Variants in SYTL5 observed in about 807,000 individuals in gnomAD.
SYTL5 encodes the protein synaptotagmin-like protein 5.
Under a neutral mutation model 55.9 loss-of-function variants are expected in SYTL5, and 34 were observed. That is an observed-to-expected ratio of 0.61 (90% CI 0.46 to 0.81). The LOEUF (loss-of-function observed/expected upper bound fraction) is 0.81, where lower values mean the gene tolerates loss of function less well. Among genes scored for constraint, SYTL5 ranks in the 30% least tolerant of loss-of-function variants. The pLI, the probability that SYTL5 is intolerant of heterozygous loss-of-function variation, is 0.00. For missense variants in SYTL5, 637 were observed against 546.7 expected (o/e 1.17, Z -1.65); for synonymous variants, 221 against 188.7 (o/e 1.17, Z -1.40).
At chrX:38,032,738 T>C (rs1413980754) in intron 1 of SYTL5, among the ~76,000 whole-genome samples, 1 of 111,418 alleles carries the variant, frequency 9.0e-6, no homozygotes, top group Admixed American at 9.6e-5. Flanking sequence ...ACGTAATTTT[T>C]TTTTTAAGAG....
At chrX:38,037,733 C>A (rs1230823883) in intron 2 of SYTL5, among the ~76,000 whole-genome samples, 2 of 110,779 alleles carry the variant, frequency 1.8e-5, no homozygotes, top group East Asian at 5.6e-4. Flanking sequence ...GTTCAGGGTA[C>A]CTTAACTTTA....
the SYTL5 span, among the ~76,000 whole-genome samples, chrX:37,981,018 C>T: frequency 1.5e-3 from 171 of 112,192 alleles, 1 homozygote; most frequent in African/African-American, 5.4e-3. Context: ...ATCTCCATTC[C>T]CAGCTTGAGA....
chrX:38,125,354 A>G lies in SYTL5; in HGVS notation c.1898A>G (p.Lys633Arg), dbSNP rs780265036. Residue 633 changes from lysine to arginine, a missense_variant, in exon 16 of 17, where the codon AAG becomes AGG. Lys to Arg is a conservative substitution (Grantham distance 26). Coordinates refer to ENST00000297875, the MANE Select transcript of SYTL5 (RefSeq NM_138780.3). ...AAGCACAAAACTCTGGTAATAAAAA[A>G]GAGTGTTAACCCTCAGTGGAATCAT... ...ATKHKTLVIK[K>R]SVNPQWNHTF... is the part of the protein sequence containing the mutation. The G allele has an allele frequency of 8.3e-7, 1 of 1,211,950 alleles. No individual in the cohort carries two copies. The highest frequency in any genetic ancestry group is 2.2e-5 in the Admixed American group (1 of 46,091).
chrX:38,080,141 A>G (rs1429105319), intron 6 of SYTL5, among the ~76,000 whole-genome samples: 1 of 111,308 alleles, frequency 9.0e-6, no homozygotes, highest in East Asian at 2.8e-4. Context: ...GTGGCAGGTG[A>G]CATCCATTAG....
At chrX:37,991,405 CG>C in the SYTL5 span, 1 of 627,244 alleles carries the variant, frequency 1.6e-6, no homozygotes, top group Non-Finnish European at 2.3e-6. Context: ...GAGCTGAAGG[CG>C]GGGAAGGGGT....
At chrX:38,083,787 TGTG>T (rs1936599986) in intron 6 of SYTL5, among the ~76,000 whole-genome samples, 1 of 105,364 alleles carries the variant, frequency 9.5e-6, no homozygotes, top group Non-Finnish European at 1.9e-5. Flanking sequence ...TGTGTGTGTG[TGTG>T]TGTGTGTGTG....
At chrX:38,002,821 G>A (rs1446995549), upstream of SYTL5, among the ~76,000 whole-genome samples, 7 of 111,534 alleles carry the variant, frequency 6.3e-5, no homozygotes, top group Admixed American at 1.9e-4. Context: ...TAGGTTGCCT[G>A]TTCACTCTGA....
intron 1 of SYTL5, among the ~76,000 whole-genome samples, chrX:38,027,276 C>T (rs759089400): frequency 8.0e-5 from 9 of 112,260 alleles, no homozygotes; most frequent in East Asian, 2.8e-4. Context: ...GCAAAATTAT[C>T]CCAAGTAAAC....
At chrX:38,090,281 T>A (rs1175051875) in intron 7 of SYTL5, among the ~76,000 whole-genome samples, 4 of 112,209 alleles carry the variant, frequency 3.6e-5, no homozygotes, top group Non-Finnish European at 7.5e-5. Flanking sequence ...AAAGTAGAAC[T>A]TTTATCTAGT....
intron 15 of SYTL5, among the ~76,000 whole-genome samples, chrX:38,124,324 G>A (rs1011978618): frequency 4.5e-5 from 5 of 112,182 alleles, no homozygotes; most frequent in Non-Finnish European, 7.5e-5. Flanking sequence ...AATATAAGGA[G>A]AGAATGGATA....
chrX:37,904,251 T>C, the SYTL5 span, among the ~76,000 whole-genome samples: 8 of 85,045 alleles, frequency 9.4e-5, no homozygotes, highest in African/African-American at 3.6e-4. Flanking sequence ...AAAAGAGGTG[T>C]GTGTGGGGTG....
At chrX:38,060,712 T>C (rs1306892977) in intron 3 of SYTL5, among the ~76,000 whole-genome samples, 1 of 112,191 alleles carries the variant, frequency 8.9e-6, no homozygotes, top group Non-Finnish European at 1.9e-5. Context: ...CCAAATGCAT[T>C]TGCCCTCTGA....
chrX:38,067,421 A>G (rs1936128903), intron 3 of SYTL5, among the ~76,000 whole-genome samples: 1 of 109,297 alleles, frequency 9.1e-6, no homozygotes, highest in South Asian at 3.8e-4. Context: ...GCATGCCACT[A>G]TTTAGCAATT....
At chrX:37,981,304 T>C in the SYTL5 span, among the ~76,000 whole-genome samples, 1 of 111,000 alleles carries the variant, frequency 9.0e-6, no homozygotes, top group Non-Finnish European at 1.9e-5. Context: ...CAGAACAAAT[T>C]TTATTTTTGT....
the SYTL5 span, among the ~76,000 whole-genome samples, chrX:37,933,448 T>C: frequency 9.0e-6 from 1 of 110,785 alleles, no homozygotes; most frequent in African/African-American, 3.3e-5. Context: ...TAGAACAGAG[T>C]TGAAGCACTC....
intron 1 of SYTL5, among the ~76,000 whole-genome samples, chrX:38,025,250 T>C (rs1934724079): frequency 8.9e-6 from 1 of 112,538 alleles, no homozygotes; most frequent in Non-Finnish European, 1.9e-5. Flanking sequence ...AAATTAACTT[T>C]ATTTCTATTA....
At chrX:38,052,344 A>C (rs1935646017) in intron 2 of SYTL5, among the ~76,000 whole-genome samples, 1 of 112,227 alleles carries the variant, frequency 8.9e-6, no homozygotes, top group Non-Finnish European at 1.9e-5. Context: ...GGTAATTCTT[A>C]GTAGATGTTT....
chrX:38,101,425 A>T (rs950820386), intron 9 of SYTL5, among the ~76,000 whole-genome samples: 6 of 111,355 alleles, frequency 5.4e-5, no homozygotes, highest in Non-Finnish European at 9.5e-5. Flanking sequence ...ATAGTTAAAA[A>T]AATTCCCATG....
intron 3 of SYTL5, among the ~76,000 whole-genome samples, chrX:38,062,848 A>T (rs1437251656): frequency 8.9e-6 from 1 of 112,269 alleles, no homozygotes; most frequent in Non-Finnish European, 1.9e-5. Context: ...TAATGTGAAT[A>T]ACCTCCTACT....
Sources: allele counts gnomAD v4.1 joint callset (sites outside exome capture counted in the v4.1 genomes callset), GRCh38; gene constraint gnomAD v4.1.1; transcripts MANE v1.5; gene names NCBI Gene and HGNC (gene_info 2026-07-23, HGNC 2026-07-21).